TMEM51: variants seen among roughly 807,000 people sequenced by gnomAD.
The protein encoded by TMEM51 is chromosome 1 open reading frame 72.
TMEM51 carries 8 observed loss-of-function variants against 13.6 expected under a neutral mutation model. The observed-to-expected ratio is 0.59, with a 90% CI of 0.35 to 1.07. The LOEUF is 1.07. TMEM51 is among the 50% of genes least tolerant of loss of function. The pLI is 0.02. For synonymous variants in TMEM51, 147 were observed against 144.4 expected, an observed-to-expected ratio of 1.02 and a Z score of -0.13; for missense variants, 279 against 330.7, an observed-to-expected ratio of 0.84 and a Z score of 1.21.
intron 1 of TMEM51, among the ~76,000 whole-genome samples, chr1:15,176,588 T>G (rs1643463498): frequency 6.6e-6 from 1 of 152,128 alleles, no homozygotes; most frequent in African/African-American, 2.4e-5. Context: ...CCCAGGACCG[T>G]TTCCCTCCTT....
intron 1 of TMEM51, among the ~76,000 whole-genome samples, chr1:15,193,611 T>C (rs1643983910): frequency 7.4e-6 from 1 of 135,896 alleles, no homozygotes; most frequent in South Asian, 2.3e-4. Flanking sequence ...AGGGTCTCAC[T>C]CTGTCGCCCA....
In TMEM51 at chr1:15,215,249, TG is replaced by T; in HGVS notation, c.164del (p.Gly55AlafsTer20). The T allele has an allele frequency of 6.2e-7, 1 of 1,614,170 alleles. No homozygotes were observed. The highest frequency in any genetic ancestry group is 8.5e-7 in the Non-Finnish European group (1 of 1,180,022). On this transcript the variant is annotated frameshift_variant, in exon 3 of 4. Coordinates refer to ENST00000376008, the MANE Select transcript of TMEM51 (RefSeq NM_001136218.2). LOFTEE classifies it high-confidence loss of function. ...AGGGCAGCAACAAGACCGAGGTGGG[TG>T]GCGGCATCCTCAAGAGCAAGACCTT... ...AQGSNKTEVG[G>X]GILKSKTFSV...
At chr1:15,167,469 T>C (rs1643064662) in intron 1 of TMEM51, among the ~76,000 whole-genome samples, 1 of 152,184 alleles carries the variant, frequency 6.6e-6, no homozygotes, top group African/African-American at 2.4e-5. Flanking sequence ...TGTCTACTTT[T>C]TGGTGATTAC....
intron 1 of TMEM51, among the ~76,000 whole-genome samples, chr1:15,197,145 A>G (rs1644066113): frequency 6.6e-6 from 1 of 152,162 alleles, no homozygotes; most frequent in African/African-American, 2.4e-5. Flanking sequence ...AATTCCAGGG[A>G]AAGTTAAAAT....
In TMEM51 at chr1:15,195,130, G is replaced by A. The variant is rs866049123; in HGVS notation, c.-266-15360G>A. The stretch of plus-strand genomic sequence containing the variant: ...GTATTTTTTGTAGAGATGGGGTTTC[G>A]TCATGTTGCCCAGGCTGGTCTCGAT... On this transcript the variant is annotated intron_variant, in intron 1 of 3. Transcript: ENST00000376008. 5.3e-5 allele frequency among the ~76,000 whole-genome samples: 8 copies of A among 151,562 alleles called. No individual in the cohort carries two copies. In the South Asian group the frequency reaches 6.3e-4, roughly 12 times the overall value.
At chr1:15,173,443 A>G (rs1643361909) in intron 1 of TMEM51, among the ~76,000 whole-genome samples, 1 of 151,300 alleles carries the variant, frequency 6.6e-6, no homozygotes, top group African/African-American at 2.4e-5. Context: ...CTGGTCTCGA[A>G]CTCCTGACCT....
chr1:15,194,598 C>A (rs1378529034), intron 1 of TMEM51, among the ~76,000 whole-genome samples: 1 of 152,202 alleles, frequency 6.6e-6, no homozygotes, highest in Non-Finnish European at 1.5e-5. Flanking sequence ...CAGTTTGTAA[C>A]ATGTCATTGT....
chr1:15,164,251 C>A (rs1642905952), intron 1 of TMEM51: 1 of 428,470 alleles, frequency 2.3e-6, no homozygotes, highest in Admixed American at 2.5e-5. Flanking sequence ...TTTTATTCAC[C>A]AGGATCCAAT....
At chr1:15,155,448 G>T (rs1456445813) in intron 1 of TMEM51, among the ~76,000 whole-genome samples, 1 of 152,226 alleles carries the variant, frequency 6.6e-6, no homozygotes, top group Non-Finnish European at 1.5e-5. Context: ...GGCGAGGTGG[G>T]GTATTTATGC....
At chr1:15,168,438 C>CTTGG in intron 1 of TMEM51, 1 of 1,268,324 alleles carries the variant, frequency 7.9e-7, no homozygotes, top group Admixed American at 2.5e-5. Context: ...GTATAATGAG[C>CTTGG]TTGGATACAT....
chr1:15,219,239 T>C, intron 3 of TMEM51, 87 bp from the exon 4 acceptor site: 3 of 1,383,208 alleles, frequency 2.2e-6, no homozygotes, highest in Non-Finnish European at 3.0e-6. Flanking sequence ...GGCTGCTGTG[T>C]GTGGACTCTT....
chr1:15,167,628 C>T (rs1452316823), intron 1 of TMEM51, among the ~76,000 whole-genome samples: 1 of 152,142 alleles, frequency 6.6e-6, no homozygotes, highest in African/African-American at 2.4e-5. Context: ...GAGGTTAGGG[C>T]CAGTTCCTCC....
Position 15,219,528 on chromosome 1 carries a change from C to T in TMEM51, c.547C>T (p.Pro183Ser). The T allele has an allele frequency of 1.2e-6, 2 of 1,614,100 alleles. No homozygotes were observed. The highest frequency in any genetic ancestry group is 1.3e-5 in the African/African-American group (1 of 75,030). Reference sequence around the variant, plus strand: ...CACCAGGGCTGACGTGGAGGCCAGCCCTGGGAACCCCCCTGACAGGCAGAA... The same window carrying T: ...CACCAGGGCTGACGTGGAGGCCAGCTCTGGGAACCCCCCTGACAGGCAGAA... Reference protein sequence around the residue: ...TSTRADVEASPGNPPDRQNSK... With the variant: ...TSTRADVEASSGNPPDRQNSK... Residue 183 changes from proline (P) to serine (S), a missense_variant, in exon 4 of 4, where the codon CCT becomes TCT. Physicochemically the swap from Pro to Ser is moderately conservative, Grantham distance 74. Transcript: ENST00000376008.
intron 1 of TMEM51, among the ~76,000 whole-genome samples, chr1:15,189,834 G>T (rs76674210): frequency 6.6e-6 from 1 of 152,230 alleles, no homozygotes. Flanking sequence ...AGAGGGCAAA[G>T]TTCCTGGACA....
intron 2 of TMEM51, among the ~76,000 whole-genome samples, chr1:15,213,214 G>A (rs1380669514): frequency 6.6e-6 from 1 of 152,246 alleles, no homozygotes; most frequent in Non-Finnish European, 1.5e-5. Flanking sequence ...TTAGGAGGTA[G>A]TGAGATGCAC....
At chr1:15,216,758 G>T (rs1644438492) in intron 3 of TMEM51, among the ~76,000 whole-genome samples, 1 of 152,190 alleles carries the variant, frequency 6.6e-6, no homozygotes, top group African/African-American at 2.4e-5. Flanking sequence ...ATTCAATGGA[G>T]TTCTATGCAG....
intron 2 of TMEM51, 117 bp downstream of exon 2, chr1:15,210,679 T>C (rs1473683220): frequency 2.0e-5 from 3 of 152,262 alleles, no homozygotes; most frequent in Admixed American, 2.0e-4. Flanking sequence ...CCCCAGGGTC[T>C]AGAGGTTGAG....
chr1:15,180,172 C>A (rs1643572068), intron 1 of TMEM51, among the ~76,000 whole-genome samples: 1 of 152,226 alleles, frequency 6.6e-6, no homozygotes, highest in Non-Finnish European at 1.5e-5. Flanking sequence ...GCTAAAGTCT[C>A]TTCTGGCTTT....
chr1:15,198,833 A>ACTGT (rs1644099776), intron 1 of TMEM51, among the ~76,000 whole-genome samples: 1 of 152,206 alleles, frequency 6.6e-6, no homozygotes, highest in Non-Finnish European at 1.5e-5. Context: ...CAGCAGGCTC[A>ACTGT]CTGTGCTTGG....
Sources: gnomAD v4.1 joint callset for allele counts (sites outside exome capture counted in the v4.1 genomes callset) on GRCh38, gnomAD v4.1.1 for gene constraint, MANE v1.5 for transcripts, NCBI Gene and HGNC (gene_info 2026-07-23, HGNC 2026-07-21) for gene names.